HPSE2: variants seen among roughly 807,000 people sequenced by gnomAD.
The protein encoded by HPSE2 is heparanase 2 (inactive), also known as inactive heparanase-2.
HPSE2 carries 38 observed loss-of-function variants against 60.5 expected under a neutral mutation model. That is an observed-to-expected ratio of 0.63 (90% CI 0.48 to 0.82). The LOEUF (loss-of-function observed/expected upper bound fraction) is 0.82, where lower values mean the gene tolerates loss of function less well. HPSE2 is among the 40% of genes least tolerant of loss of function. The probability of loss-of-function intolerance (pLI) is 0.00; values close to 1 mark genes in which losing one functional copy is unlikely to be tolerated. For synonymous variants in HPSE2, 295 were observed against 293.2 expected (o/e 1.01, Z -0.06); for missense variants, 713 against 740.4 (o/e 0.96, Z 0.43).
intron 3 of HPSE2, among the ~76,000 whole-genome samples, chr10:99,049,595 A>G (rs1665472051): frequency 6.6e-6 from 1 of 152,138 alleles, no homozygotes; most frequent in Non-Finnish European, 1.5e-5. Flanking sequence ...TAGAGAACAG[A>G]GGGCAGTAGA....
chr10:98,659,601 T>A (rs536113102), intron 6 of HPSE2, among the ~76,000 whole-genome samples: 3 of 152,374 alleles, frequency 2.0e-5, no homozygotes, highest in African/African-American at 7.2e-5. Flanking sequence ...CTTTAAGCTA[T>A]TGTGAGTACT....
chr10:98,952,314 T>TTGTGTGTGTGTGTGTGTGTG (rs59116303), intron 3 of HPSE2, among the ~76,000 whole-genome samples: 1 of 137,412 alleles, frequency 7.3e-6, no homozygotes, highest in African/African-American at 2.8e-5. Flanking sequence ...AAGAATTTGT[T>TTGTGTGTGTGTGTGTGTGTG]TGTGTGTGTG....
intron 3 of HPSE2, among the ~76,000 whole-genome samples, chr10:98,850,858 A>G (rs1952157401): frequency 6.6e-6 from 1 of 152,192 alleles, no homozygotes; most frequent in South Asian, 2.1e-4. Context: ...GAGAAATATC[A>G]GAGACATTGA....
At chr10:98,980,026 AATT>A (rs1020817966) in intron 3 of HPSE2, among the ~76,000 whole-genome samples, 4 of 152,182 alleles carry the variant, frequency 2.6e-5, no homozygotes, top group African/African-American at 9.7e-5. Flanking sequence ...GCAGGCCAGT[AATT>A]ATTATTAAAT....
chr10:99,152,524 A>G (rs1396768389), intron 2 of HPSE2, among the ~76,000 whole-genome samples: 2 of 152,168 alleles, frequency 1.3e-5, no homozygotes, highest in East Asian at 3.8e-4. Flanking sequence ...AAGATTATAT[A>G]TAGAAGAAAA....
chr10:98,667,492 C>T (rs1947395922), intron 6 of HPSE2, among the ~76,000 whole-genome samples: 1 of 152,126 alleles, frequency 6.6e-6, no homozygotes, highest in Admixed American at 6.6e-5. Context: ...AAACTTCAGG[C>T]CAATATCCCT....
rs56097343 is a variant in HPSE2 at position 98,475,120 on chromosome 10, A to ATTTT, written c.1613+7512_1613+7515dup. On this transcript the variant is annotated intron_variant, in intron 11 of 11. Coordinates refer to ENST00000370552, the MANE Select transcript of HPSE2 (RefSeq NM_021828.5). ...CTTACAGTTATGGGACCACAATTCT[A>ATTTT]TTTTTTTTTTTTTTTGAGACGGAGT... 7.1e-3 allele frequency among the ~76,000 whole-genome samples: 1,000 copies of ATTTT among 141,346 alleles called. 14 individuals carry two copies. The highest frequency in any genetic ancestry group is 0.019 in the South Asian group (86 of 4,448). The allele number at this position is 141,346 out of a possible 152,430, so 92.7% of individuals were successfully genotyped here. A position where few individuals can be genotyped will look rare whatever the true frequency, so the allele number is the denominator to read the frequency against.
At chr10:98,730,867 A>C (rs1205552870) in intron 4 of HPSE2, among the ~76,000 whole-genome samples, 5 of 152,220 alleles carry the variant, frequency 3.3e-5, no homozygotes. Context: ...TTAGTTGGTG[A>C]ATTCTATTAA....
At chr10:99,200,379 A>C (rs1848536463) in intron 2 of HPSE2, among the ~76,000 whole-genome samples, 1 of 152,098 alleles carries the variant, frequency 6.6e-6, no homozygotes, top group South Asian at 2.1e-4. Flanking sequence ...TTAGGATGCA[A>C]GTTTTTATAG....
intron 3 of HPSE2, among the ~76,000 whole-genome samples, chr10:98,942,906 A>G (rs1027987846): frequency 3.3e-5 from 5 of 151,944 alleles, no homozygotes; most frequent in African/African-American, 7.3e-5. Context: ...CAGCCATAAA[A>G]AATGATGAGT....
intron 2 of HPSE2, among the ~76,000 whole-genome samples, chr10:99,203,418 G>A (rs987743598): frequency 5.9e-5 from 9 of 151,986 alleles, no homozygotes; most frequent in Non-Finnish European, 1.2e-4. Context: ...TCCTACTCCA[G>A]GTTTCAGACC....
At chr10:99,055,856 C>T (rs1024297596) in intron 3 of HPSE2, among the ~76,000 whole-genome samples, 13 of 152,062 alleles carry the variant, frequency 8.5e-5, no homozygotes, top group South Asian at 8.3e-4. Context: ...GCTTTAAGCG[C>T]CTATATTAGA....
At chr10:99,257,176 G>A in the HPSE2 span, among the ~76,000 whole-genome samples, 2 of 152,138 alleles carry the variant, frequency 1.3e-5, no homozygotes, top group Admixed American at 6.5e-5. Context: ...TGTGATGATT[G>A]CGTTAACTGC....
intron 3 of HPSE2, among the ~76,000 whole-genome samples, chr10:98,929,603 A>G (rs1405661010): frequency 7.0e-6 from 1 of 143,856 alleles, no homozygotes; most frequent in Admixed American, 6.9e-5. Context: ...GAAAGACTAT[A>G]GATAAGAGGC....
chr10:98,754,986 G>C (rs930534525), intron 3 of HPSE2, among the ~76,000 whole-genome samples: 24 of 118,832 alleles, frequency 2.0e-4, no homozygotes, highest in African/African-American at 6.1e-4. Flanking sequence ...ATAAACACCA[G>C]CTAATAACAA....
At chr10:99,257,529 C>T in the HPSE2 span, among the ~76,000 whole-genome samples, 8 of 152,110 alleles carry the variant, frequency 5.3e-5, no homozygotes, top group African/African-American at 1.4e-4. Context: ...CTTATTAGGA[C>T]GAGGAAATCC....
At chr10:98,957,419 G>A (rs1435303147) in intron 3 of HPSE2, among the ~76,000 whole-genome samples, 2 of 152,096 alleles carry the variant, frequency 1.3e-5, no homozygotes, top group Non-Finnish European at 2.9e-5. Context: ...TGTTCTCACT[G>A]CAGAACAGAG....
chr10:99,281,574 T>G, the HPSE2 span, among the ~76,000 whole-genome samples: 1 of 152,084 alleles, frequency 6.6e-6, no homozygotes, highest in Non-Finnish European at 1.5e-5. Context: ...TTTGAATTAT[T>G]ATCTATTTTC....
intron 3 of HPSE2, among the ~76,000 whole-genome samples, chr10:98,941,435 A>G (rs1954997323): frequency 7.2e-6 from 1 of 138,584 alleles, no homozygotes; most frequent in South Asian, 2.2e-4. Context: ...CTTATACACC[A>G]ATAACAGACA....
Sources: gnomAD v4.1 joint callset for allele counts (sites outside exome capture counted in the v4.1 genomes callset) on GRCh38, gnomAD v4.1.1 for gene constraint, MANE v1.5 for transcripts, NCBI Gene and HGNC (gene_info 2026-07-23, HGNC 2026-07-21) for gene names.